Variants in DMXL1 observed in about 807,000 individuals in gnomAD.
DMXL1 encodes dmX-like protein 1.
DMXL1 carries 99 observed loss-of-function variants against 319.2 expected under a neutral mutation model. That is an observed-to-expected ratio of 0.31 (90% CI 0.26 to 0.37). The LOEUF is 0.37. Ranked by LOEUF, DMXL1 falls within the 10% of genes least tolerant of loss-of-function variation. DMXL1 has a pLI of 1.00. For synonymous variants in DMXL1, 1,385 were observed against 1,235.2 expected (o/e 1.12, Z -2.54); for missense variants, 3,745 against 3,595.6 (o/e 1.04, Z -1.06).
intron 32 of DMXL1, 43 bp from the exon 33 acceptor site, chr5:119,203,276 A>T: frequency 7.6e-7 from 1 of 1,308,346 alleles, no homozygotes; most frequent in Non-Finnish European, 1.0e-6. Flanking sequence ...GTTAGTCAGA[A>T]ATTTCTGAAG....
Position 119,146,037 on chromosome 5 carries a change from T to G in DMXL1, c.2570-800T>G, listed in dbSNP as rs75889668. ...TACATTACCAAAGTTACCTTTTCATTTAGTCTCTCAATACAAGATGATTTA... is the reference window on the plus strand; with the variant it reads ...TACATTACCAAAGTTACCTTTTCATGTAGTCTCTCAATACAAGATGATTTA... On this transcript the variant is annotated intron_variant, in intron 15 of 43. Coordinates refer to ENST00000539542, the MANE Select transcript of DMXL1 (RefSeq NM_001290321.3). Among the ~76,000 whole-genome samples, 372 of 151,946 alleles carry G rather than the reference T, an allele frequency of 2.4e-3. 4 individuals are homozygous for G. The East Asian group carries it at 0.049, about 20-fold the overall frequency.
intron 1 of DMXL1, among the ~76,000 whole-genome samples, chr5:119,084,568 A>G (rs1279360240): frequency 2.6e-5 from 4 of 152,130 alleles, no homozygotes; most frequent in Non-Finnish European, 4.4e-5. Flanking sequence ...ACAGAAATGG[A>G]AAAAACGATC....
chr5:119,145,702 AATTTTTAATGT>A, intron 15 of DMXL1, among the ~76,000 whole-genome samples: 1 of 151,774 alleles, frequency 6.6e-6, no homozygotes, highest in South Asian at 2.1e-4. Context: ...CGGATTCTTC[AATTTTTAATGT>A]ATTTTAATTC....
intron 9 of DMXL1, among the ~76,000 whole-genome samples, chr5:119,125,145 C>T (rs1763236932): frequency 6.6e-6 from 1 of 152,156 alleles, no homozygotes; most frequent in South Asian, 2.1e-4. Flanking sequence ...TACATCACAA[C>T]ATTGTTATGT....
At chr5:119,169,511 A>G (rs776812331) in intron 23 of DMXL1, among the ~76,000 whole-genome samples, 16 of 152,218 alleles carry the variant, frequency 1.1e-4, no homozygotes, top group South Asian at 4.1e-4. Context: ...GCTTTCTCTG[A>G]TAAGGTGAAC....
intron 1 of DMXL1, among the ~76,000 whole-genome samples, chr5:119,096,279 C>T (rs1311202912): frequency 1.3e-5 from 2 of 151,388 alleles, no homozygotes; most frequent in East Asian, 1.9e-4. Flanking sequence ...CGGGTTCAAG[C>T]GATTCTCCTG....
chr5:119,135,465 T>A lies in DMXL1; in HGVS notation c.2376+1076T>A, dbSNP rs139535249. On this transcript the variant is annotated intron_variant, in intron 13 of 43. Coordinates refer to ENST00000539542, the MANE Select transcript of DMXL1 (RefSeq NM_001290321.3). ...ATACGTAGATATTTATTAAAGAGAATGTGATTTGGGAAAACGGACAGCCAG... is the reference window on the plus strand; with the variant it reads ...ATACGTAGATATTTATTAAAGAGAAAGTGATTTGGGAAAACGGACAGCCAG... Among the ~76,000 whole-genome samples the A allele has an allele frequency of 5.4e-3, 816 of 152,320 alleles. 3 individuals carry two copies. The highest frequency in any genetic ancestry group is 0.019 in the African/African-American group (787 of 41,560).
intron 31 of DMXL1, among the ~76,000 whole-genome samples, chr5:119,197,108 T>G (rs2150411294): frequency 6.6e-6 from 1 of 152,352 alleles, no homozygotes; most frequent in East Asian, 1.9e-4. Flanking sequence ...AACTGCTAAG[T>G]GCTGAGTTCC....
Position 119,071,374 on chromosome 5 carries a change from C to T in DMXL1, c.-196C>T. ...CTCCGCCCTCTCGCCGACCCGCCCC[C>T]TCCGGGCCTCGCCCTCCGGGGCTCG... On this transcript the variant is annotated 5_prime_UTR_variant, in exon 1 of 44. Transcript: ENST00000539542. The T allele has an allele frequency of 1.8e-6, 1 of 567,470 alleles. No homozygotes were observed. Among genetic ancestry groups the T allele is most frequent in the Non-Finnish European group, 3.1e-6 (1 of 327,128 alleles). 35.2% of individuals were successfully genotyped at this position (567,470 alleles called of 1,614,324 possible).
chr5:119,228,747 T>G lies in DMXL1; in HGVS notation c.8338+3978T>G, dbSNP rs575904143. On this transcript the variant is annotated intron_variant, in intron 38 of 43. Coordinates refer to ENST00000539542, the MANE Select transcript of DMXL1 (RefSeq NM_001290321.3). ...ATTTATAATGTATTTTTGGGAAATT[T>G]GTCAAAAATATCAAACAGTTTAAAA... Among the ~76,000 whole-genome samples the G allele has an allele frequency of 4.6e-5, 7 of 152,282 alleles. No homozygotes were observed. The East Asian group carries it at 1.3e-3, about 29-fold the overall frequency.
At chr5:119,117,898 G>GAGTTAA (rs1201339256) in intron 7 of DMXL1, among the ~76,000 whole-genome samples, 1 of 152,212 alleles carries the variant, frequency 6.6e-6, no homozygotes, top group Non-Finnish European at 1.5e-5. Flanking sequence ...TTAACTCACT[G>GAGTTAA]AGTTACTGAT....
Position 119,206,903 on chromosome 5 carries a change from A to C in DMXL1, c.7926+7A>C. The C allele has an allele frequency of 6.7e-7, 1 of 1,494,606 alleles. No individual in the cohort carries two copies. The highest frequency in any genetic ancestry group is 9.0e-7 in the Non-Finnish European group (1 of 1,114,066). The allele number at this position is 1,494,606 out of a possible 1,614,324, so 92.6% of individuals were successfully genotyped here. ...GGAGCCAAACATCAATAAGGTACAA[A>C]ATATCATTCAACTGAAATTAAAAAT... On this transcript the variant is annotated splice_region_variant and intron_variant, in intron 34 of 43. Transcript: ENST00000539542.
intron 1 of DMXL1, among the ~76,000 whole-genome samples, chr5:119,076,528 C>T (rs1042840298): frequency 6.6e-6 from 1 of 151,920 alleles, no homozygotes; most frequent in African/African-American, 2.4e-5. Context: ...ATTGCAAGTA[C>T]TAAAGTGGAC....
At chr5:119,120,005 C>T (rs150356584) in intron 8 of DMXL1, among the ~76,000 whole-genome samples, 21 of 151,346 alleles carry the variant, frequency 1.4e-4, no homozygotes, top group South Asian at 8.4e-4. Context: ...CTCAGCCTCC[C>T]GAGTAGCTGG....
chr5:119,146,159 A>G (rs958702074), intron 15 of DMXL1, among the ~76,000 whole-genome samples: 2 of 151,892 alleles, frequency 1.3e-5, no homozygotes, highest in African/African-American at 4.8e-5. Context: ...CTCATGTTTT[A>G]CATGTTCTAC....
At chr5:119,215,000 G>A (rs891414754) in intron 34 of DMXL1, among the ~76,000 whole-genome samples, 5 of 152,120 alleles carry the variant, frequency 3.3e-5, no homozygotes, top group East Asian at 1.9e-4. Flanking sequence ...TAGATGCCAG[G>A]CAGATTGGTG....
At chr5:119,201,902 G>A (rs1163342110) in intron 32 of DMXL1, among the ~76,000 whole-genome samples, 1 of 151,980 alleles carries the variant, frequency 6.6e-6, no homozygotes, top group Non-Finnish European at 1.5e-5. Flanking sequence ...TTTCTGTGGG[G>A]TCAGTGGTAA....
At chr5:119,218,378 C>T (rs914816977) in intron 35 of DMXL1, among the ~76,000 whole-genome samples, 1 of 152,100 alleles carries the variant, frequency 6.6e-6, no homozygotes, top group African/African-American at 2.4e-5. Context: ...AAGTTACTGT[C>T]TATGAATATG....
chr5:119,197,292 A>G (rs1461219705), intron 31 of DMXL1, among the ~76,000 whole-genome samples: 2 of 152,212 alleles, frequency 1.3e-5, no homozygotes, highest in African/African-American at 4.8e-5. Context: ...CCACACATAA[A>G]ATACATTGAT....
Sources: gnomAD v4.1 joint callset for allele counts (sites outside exome capture counted in the v4.1 genomes callset) on GRCh38, gnomAD v4.1.1 for gene constraint, MANE v1.5 for transcripts, NCBI Gene and HGNC (gene_info 2026-07-23, HGNC 2026-07-21) for gene names.